ETFA: variants seen among roughly 807,000 people sequenced by gnomAD.
ETFA encodes the protein electron transfer flavoprotein subunit alpha, also known as electron transfer flavoprotein subunit alpha, mitochondrial.
A neutral mutation model predicts 46.2 loss-of-function variants in ETFA; 22 were observed. The ratio of observed to expected loss-of-function variants is 0.48; its 90% CI spans 0.34 to 0.68. The LOEUF is 0.68. Ranked by LOEUF, ETFA falls within the 30% of genes least tolerant of loss-of-function variation. ETFA has a pLI of 0.01. For synonymous variants in ETFA, 131 were observed against 139.9 expected (o/e 0.94, Z 0.45); for missense variants, 345 against 401.1 (o/e 0.86, Z 1.19).
intron 8 of ETFA, among the ~76,000 whole-genome samples, chr15:76,279,885 G>GTT (rs527237229): frequency 1.4e-5 from 2 of 140,312 alleles, no homozygotes. Flanking sequence ...TTAGTCCTGA[G>GTT]TTTTTTTTTT....
intron 1 of ETFA, among the ~76,000 whole-genome samples, chr15:76,307,872 T>G: frequency 6.6e-6 from 1 of 152,212 alleles, no homozygotes; most frequent in African/African-American, 2.4e-5. Context: ...TTCCTAACTT[T>G]ATTTTTTTAA....
rs141151249 is a variant in ETFA, at chr15:76,260,646, G to A, written c.816+13766C>T. On this transcript the variant is annotated intron_variant, in intron 9 of 11. Transcript: ENST00000557943. ...CCAGGACAGTTTATAGGGTCCCAGG[G>A]GGCCTTCCAAAGGGCCCTCGGGGAT... 5.4e-3 allele frequency: 8,391 copies of A among 1,548,516 alleles called. 38 individuals are homozygous for A. The highest frequency in any genetic ancestry group is 0.022 in the South Asian group (1,983 of 88,220).
chr15:76,261,269 C>A, intron 9 of ETFA: 3 of 1,573,748 alleles, frequency 1.9e-6, no homozygotes, highest in African/African-American at 2.7e-5. Context: ...ACTGCCAGAT[C>A]TTTTGGCTCC....
chr15:76,223,609 C>G (rs565773499), intron 11 of ETFA, among the ~76,000 whole-genome samples: 5 of 152,328 alleles, frequency 3.3e-5, no homozygotes, highest in African/African-American at 9.6e-5. Context: ...ATATCTTGGT[C>G]TGAAGTCTCT....
chr15:76,219,097 C>T (rs867853911), intron 11 of ETFA, among the ~76,000 whole-genome samples: 1 of 152,168 alleles, frequency 6.6e-6, no homozygotes, highest in Non-Finnish European at 1.5e-5. Flanking sequence ...AAATGAGGCA[C>T]AGACAGAGAT....
At chr15:76,310,342 G>A (rs1481648725) in intron 1 of ETFA, among the ~76,000 whole-genome samples, 1 of 130,064 alleles carries the variant, frequency 7.7e-6, no homozygotes, top group Admixed American at 8.2e-5. Context: ...AAAATCCCAG[G>A]AGTGGATGGG....
At chr15:76,294,169 G>T (rs2039795460) in intron 2 of ETFA, among the ~76,000 whole-genome samples, 1 of 152,106 alleles carries the variant, frequency 6.6e-6, no homozygotes, top group Admixed American at 6.5e-5. Context: ...TTTCTATTTT[G>T]ATTTTTCTCA....
chr15:76,308,998 ATTC>A (rs2039962767), intron 1 of ETFA, among the ~76,000 whole-genome samples: 1 of 152,236 alleles, frequency 6.6e-6, no homozygotes, highest in South Asian at 2.1e-4. Context: ...TCTTTGTACT[ATTC>A]TTGCAACTTT....
At position 76,285,715 on chromosome 15, in the gene ETFA, T is replaced by C; in HGVS notation, c.586A>G (p.Ile196Val). 1 of 1,609,578 alleles carries C rather than the reference T, an allele frequency of 6.2e-7. No individual in the cohort carries two copies. Among genetic ancestry groups the C allele is most frequent in the Non-Finnish European group, 8.5e-7 (1 of 1,175,874 alleles). ...EKASSTSPVEISEWLDQKLTK... is the reference protein window; with the variant it reads ...EKASSTSPVEVSEWLDQKLTK... ...AATTTCTGGTCAAGCCACTCTGATA[T>C]TTCCACTGGTGAAGTACTTGATGCT... Residue 196 changes from isoleucine to valine, a missense_variant, in exon 7 of 12, where the codon ATA becomes GTA. Transcript: ENST00000557943.
chr15:76,285,920 C>A (rs2039701067), intron 6 of ETFA, among the ~76,000 whole-genome samples, 182 bp from the exon 7 acceptor site: 1 of 152,180 alleles, frequency 6.6e-6, no homozygotes, highest in Admixed American at 6.5e-5. Flanking sequence ...TAGATTCCAG[C>A]CTTTGCCACA....
intron 9 of ETFA, among the ~76,000 whole-genome samples, chr15:76,268,869 CT>C (rs1386229452): frequency 2.0e-5 from 3 of 152,284 alleles, no homozygotes; most frequent in South Asian, 2.1e-4. Context: ...AAAAGAGGAC[CT>C]TTTGGATTCA....
At position 76,216,310 on chromosome 15, in the gene ETFA, GAA is replaced by G; in HGVS notation, c.*247_*248del. 2.3e-6 allele frequency: 1 copy of G among 432,632 alleles called. No individual in the cohort carries two copies. The highest frequency in any genetic ancestry group is 4.1e-6 in the Non-Finnish European group (1 of 244,446). 26.8% of individuals were successfully genotyped at this position (432,632 alleles called of 1,614,324 possible). ...TATTTCTGATAGTTTTAAAGCTGTG[GAA>G]AAGCTTTATTATAGATTTTAGTACA... On this transcript the variant is annotated 3_prime_UTR_variant, in exon 12 of 12. Transcript: ENST00000557943.
At chr15:76,242,505 C>T (rs961481195) in intron 9 of ETFA, among the ~76,000 whole-genome samples, 8 of 152,300 alleles carry the variant, frequency 5.3e-5, no homozygotes, top group African/African-American at 1.9e-4. Context: ...AAAAGTTACA[C>T]ATAGAACTAC....
intron 9 of ETFA, among the ~76,000 whole-genome samples, chr15:76,271,914 TAC>T (rs3866542): frequency 0.42 from 62,580 of 148,338 alleles, 13,678 homozygotes; most frequent in East Asian, 0.61. Flanking sequence ...TGTGTGTATA[TAC>T]ACACACACAC....
At position 76,274,399 on chromosome 15, in the gene ETFA, TTGCAATACTTACTGG is replaced by T; in HGVS notation, c.814_816+12del. 1 of 1,583,576 alleles carries T rather than the reference TTGCAATACTTACTGG, an allele frequency of 6.3e-7. No individual in the cohort carries two copies. The highest frequency in any genetic ancestry group is 8.6e-7 in the Non-Finnish European group (1 of 1,156,140). ...ATAACATTTTACACAGCATATTTTA[TTGCAATACTTACTGG>T]TGCTACTATTTTTCCCGTCTGTCCA... On this transcript the variant is annotated splice_donor_variant and splice_donor_5th_base_variant and coding_sequence_variant and intron_variant, in exon 9 of 12. Transcript: ENST00000557943. LOFTEE classifies it high-confidence loss of function.
chr15:76,270,371 G>C (rs1438104964), intron 9 of ETFA, among the ~76,000 whole-genome samples: 2 of 152,200 alleles, frequency 1.3e-5, no homozygotes, highest in Non-Finnish European at 2.9e-5. Flanking sequence ...TATGAGACTA[G>C]AATTGGAGAT....
intron 9 of ETFA, among the ~76,000 whole-genome samples, chr15:76,262,703 C>T (rs931186909): frequency 7.9e-5 from 12 of 152,028 alleles, no homozygotes; most frequent in South Asian, 4.2e-4. Context: ...AGGATGGTCT[C>T]GATCTCCTGA....
At chr15:76,291,458 A>AG (rs1227920714) in intron 4 of ETFA, among the ~76,000 whole-genome samples, 2 of 150,118 alleles carry the variant, frequency 1.3e-5, no homozygotes, top group African/African-American at 4.9e-5. Flanking sequence ...AAAAAAAAAA[A>AG]AAAAAAAGTA....
chr15:76,253,349 T>C (rs1029876500), intron 9 of ETFA, among the ~76,000 whole-genome samples: 2 of 152,120 alleles, frequency 1.3e-5, no homozygotes, highest in Non-Finnish European at 2.9e-5. Context: ...GTATTACATA[T>C]TTTTTTCAAA....
Sources: gnomAD v4.1 joint callset for allele counts (sites outside exome capture counted in the v4.1 genomes callset) on GRCh38, gnomAD v4.1.1 for gene constraint, MANE v1.5 for transcripts, NCBI Gene and HGNC (gene_info 2026-07-23, HGNC 2026-07-21) for gene names.